TRIM63: variants seen among roughly 807,000 people sequenced by gnomAD.
TRIM63 encodes the protein tripartite motif containing 63.
A neutral mutation model predicts 46.0 loss-of-function variants in TRIM63; 48 were observed. The ratio of observed to expected loss-of-function variants is 1.04; its 90% CI spans 0.83 to 1.33. The LOEUF is 1.33. TRIM63 is among the 40% of genes most tolerant of loss of function. The pLI, the probability that TRIM63 is intolerant of heterozygous loss-of-function variation, is 0.00. For missense variants in TRIM63, 455 were observed against 441.2 expected (o/e 1.03, Z -0.28); for synonymous variants, 175 against 162.8 (o/e 1.08, Z -0.57).
In TRIM63 at chr1:26,057,195, TC is replaced by T. The variant is rs2124437574; in HGVS notation, c.979+7del. On this transcript the variant is annotated splice_region_variant and intron_variant, in intron 7 of 8. Coordinates refer to ENST00000374272, the MANE Select transcript of TRIM63 (RefSeq NM_032588.4). ...CAAATAGACAAGTGGCATCACCACC[TC>T]CTTTACCTGTCCCAAAGTCAATGGC... The T allele has an allele frequency of 1.9e-6, 3 of 1,614,020 alleles. No individual in the cohort carries two copies. In the East Asian group the frequency reaches 6.7e-5, roughly 36 times the overall value.
intron 4 of TRIM63, 86 bp from the exon 5 acceptor site, chr1:26,058,709 T>C: frequency 9.3e-7 from 1 of 1,076,220 alleles, no homozygotes; most frequent in African/African-American, 1.6e-5. Context: ...TAGCAAGGAA[T>C]CTAAAGCTAG....
intron 5 of TRIM63, 31 bp from the exon 6 acceptor site, chr1:26,057,681 AC>A: frequency 6.3e-7 from 1 of 1,592,212 alleles, no homozygotes; most frequent in African/African-American, 1.4e-5. Flanking sequence ...AAGGATTAGG[AC>A]CGCAGAAGAG....
chr1:26,063,079 T>G (rs2050642173), intron 2 of TRIM63, among the ~76,000 whole-genome samples: 3 of 151,800 alleles, frequency 2.0e-5, no homozygotes, highest in Non-Finnish European at 4.4e-5. Context: ...TTTGTTTGTT[T>G]GTTTGTTTTG....
At position 26,061,272 on chromosome 1, in the gene TRIM63, A is replaced by G. The variant is rs148433331; in HGVS notation, c.395T>C (p.Ile132Thr). ...CKEHEDEKINIYCLTCEVPTC... is the reference protein window; with the variant it reads ...CKEHEDEKINTYCLTCEVPTC... ...GGGCACCTCACACGTGAGACAGTAG[A>G]TGTTGATTTTCTCATCTTCGTGCTC... Residue 132 changes from isoleucine (I) to threonine (T), a missense_variant, in exon 3 of 9, where the codon ATC becomes ACC. Ile to Thr is a moderately conservative substitution (Grantham distance 89). Transcript: ENST00000374272. 11 of 1,614,128 alleles carry G rather than the reference A, an allele frequency of 6.8e-6. No individual in the cohort carries two copies. The highest frequency in any genetic ancestry group is 1.3e-5 in the African/African-American group (1 of 75,044).
chr1:26,063,999 G>A (rs17163536), intron 2 of TRIM63, among the ~76,000 whole-genome samples: 4,343 of 152,292 alleles, frequency 0.029, 210 homozygotes, highest in African/African-American at 0.098. Context: ...CAGCAATTAA[G>A]AATATTCACC....
At chr1:26,065,897 G>A (rs12090969) in intron 2 of TRIM63, among the ~76,000 whole-genome samples, 4,368 of 152,316 alleles carry the variant, frequency 0.029, 216 homozygotes, top group African/African-American at 0.099. Flanking sequence ...CATGGCACAC[G>A]GGAGAGTAGC....
chr1:26,057,596 G>A (rs751291695), intron 6 of TRIM63, 32 bp downstream of exon 6: 1 of 1,606,100 alleles, frequency 6.2e-7, no homozygotes, highest in Non-Finnish European at 8.5e-7. Context: ...GGAACTAGGT[G>A]CTTGGATCAT....
intron 8 of TRIM63, among the ~76,000 whole-genome samples, chr1:26,053,204 A>G (rs994951797): frequency 4.6e-5 from 7 of 151,842 alleles, no homozygotes; most frequent in African/African-American, 1.7e-4. Context: ...TCAGCCTCCC[A>G]AAGTGCTGGG....
At position 26,060,265 on chromosome 1, in the gene TRIM63, C is replaced by T. The variant is rs1329779011; in HGVS notation, c.597+1G>A. On this transcript the variant is annotated splice_donor_variant, in intron 4 of 8. Transcript: ENST00000374272. LOFTEE classifies it high-confidence loss of function. ...CAGGCAGGACTATTCTGTCCGCTCA[C>T]CTTGGTCACTCGACGGGAATCCTCC... is the stretch of plus-strand genomic sequence containing the variant. The T allele has an allele frequency of 1.2e-6, 2 of 1,613,502 alleles. No homozygotes were observed. The highest frequency in any genetic ancestry group is 2.2e-5 in the East Asian group (1 of 44,876).
At chr1:26,058,806 AT>A (rs1237332536) in intron 4 of TRIM63, among the ~76,000 whole-genome samples, 183 bp from the exon 5 acceptor site, 1 of 152,166 alleles carries the variant, frequency 6.6e-6, no homozygotes, top group Non-Finnish European at 1.5e-5. Context: ...CCTCACAGCT[AT>A]TTAGTACGCC....
At chr1:26,053,795 T>C in intron 8 of TRIM63, 98 bp downstream of exon 8, 2 of 911,922 alleles carry the variant, frequency 2.2e-6, no homozygotes, top group East Asian at 5.3e-5. Flanking sequence ...TGAGCGTCAT[T>C]GCCAATGTCT....
Position 26,054,143 on chromosome 1 carries a change from G to A in TRIM63, c.980-179C>T, listed in dbSNP as rs146396837. On this transcript the variant is annotated intron_variant, in intron 7 of 8. Coordinates refer to ENST00000374272, the MANE Select transcript of TRIM63 (RefSeq NM_032588.4). ...GGGCTTGCCAGACCCACGCTGCACAGAGGCCCTGCTCCTGCAATCCCCCGC... is the reference window on the plus strand; with the variant it reads ...GGGCTTGCCAGACCCACGCTGCACAAAGGCCCTGCTCCTGCAATCCCCCGC... Among the ~76,000 whole-genome samples the A allele has an allele frequency of 9.2e-5, 14 of 152,346 alleles. No individual in the cohort carries two copies. The East Asian group carries it at 2.7e-3, about 29-fold the overall frequency.
In TRIM63 at chr1:26,057,223, C is replaced by T; in HGVS notation, c.959G>A (p.Arg320Lys). ...TTTACCTGTCCCAAAGTCAATGGCT[C>T]TCAGGGCGTCTGCTATGTGCTCTAA... ...LDLEHIADAL[R>K]AIDFGTDEEE... The change falls in exon 7 of 9, where the codon AGA becomes AAA. Residue 320 changes from arginine (R) to lysine (K), a missense_variant. Arg to Lys is a conservative substitution (Grantham distance 26). Transcript: ENST00000374272. The T allele has an allele frequency of 6.2e-7, 1 of 1,614,202 alleles. No individual in the cohort carries two copies. Among genetic ancestry groups the T allele is most frequent in the Non-Finnish European group, 8.5e-7 (1 of 1,180,026 alleles).
At chr1:26,057,728 G>A in intron 5 of TRIM63, 78 bp from the exon 6 acceptor site, 4 of 1,448,952 alleles carry the variant, frequency 2.8e-6, no homozygotes, top group South Asian at 1.3e-5. Context: ...AGTGAACTAG[G>A]TGTTGTAGGT....
chr1:26,057,100 T>C (rs2050579088), intron 7 of TRIM63, 103 bp downstream of exon 7: 7 of 1,412,956 alleles, frequency 5.0e-6, no homozygotes, highest in African/African-American at 1.4e-5. Flanking sequence ...TATTTGGGGA[T>C]CTTTATTAGT....
rs1271904931 is a variant in TRIM63 at position 26,067,213 on chromosome 1, C to G, written c.159+123G>C. ...TCTCAGCCCTGTCCAGAGGCCTCTG[C>G]AGGGGTTCACTTCCAAGGGGAAAGA... is the stretch of plus-strand genomic sequence containing the variant. On this transcript the variant is annotated intron_variant, in intron 1 of 8. Transcript: ENST00000374272. The G allele has an allele frequency of 9.6e-6, 12 of 1,252,552 alleles. No individual in the cohort carries two copies. In the African/African-American group the frequency reaches 1.6e-4, roughly 17 times the overall value. The allele number at this position is 1,252,552 out of a possible 1,614,324, so 77.6% of individuals were successfully genotyped here. A position where few individuals can be genotyped will look rare whatever the true frequency, so the allele number is the denominator to read the frequency against.
chr1:26,057,590 C>T, intron 6 of TRIM63, 38 bp downstream of exon 6: 1 of 1,603,424 alleles, frequency 6.2e-7, no homozygotes, highest in South Asian at 1.1e-5. Context: ...CTGGTGGGAA[C>T]TAGGTGCTTG....
At chr1:26,051,953 G>A (rs916252490) in intron 8 of TRIM63, 70 bp from the exon 9 acceptor site, 26 of 1,241,888 alleles carry the variant, frequency 2.1e-5, no homozygotes, top group Non-Finnish European at 2.6e-5. Flanking sequence ...GGCTTACCAA[G>A]CTACTGTTTA....
At chr1:26,062,993 G>A (rs1464140882) in intron 2 of TRIM63, among the ~76,000 whole-genome samples, 2 of 152,120 alleles carry the variant, frequency 1.3e-5, no homozygotes, top group Non-Finnish European at 2.9e-5. Context: ...CTGGCCTCAT[G>A]TGATCCACCC....
Sources: allele counts gnomAD v4.1 joint callset (sites outside exome capture counted in the v4.1 genomes callset), GRCh38; gene constraint gnomAD v4.1.1; transcripts MANE v1.5; gene names NCBI Gene and HGNC (gene_info 2026-07-23, HGNC 2026-07-21).